UTRN: variants seen among roughly 807,000 people sequenced by gnomAD.
The protein encoded by UTRN is dystrophin-related protein 1.
Under a neutral mutation model 463.9 loss-of-function variants are expected in UTRN, and 283 were observed. The ratio of observed to expected loss-of-function variants is 0.61; its 90% confidence interval spans 0.55 to 0.67. The LOEUF is 0.67. Ranked by LOEUF, UTRN falls within the 30% of genes least tolerant of loss-of-function variation. UTRN has a pLI of 0.00. For missense variants in UTRN, 3,922 were observed against 4,084.3 expected (o/e 0.96, Z 1.08); for synonymous variants, 1,442 against 1,431.5 (o/e 1.01, Z -0.17).
At position 144,851,827 on chromosome 6, in the gene UTRN, T is replaced by G. The variant is rs1038824576; in HGVS notation, c.*830T>G. 1 of 152,180 alleles carries G rather than the reference T, an allele frequency of 6.6e-6. No individual in the cohort carries two copies. The highest frequency in any genetic ancestry group is 1.5e-5 in the Non-Finnish European group (1 of 68,000). 9.4% of individuals were successfully genotyped at this position (152,180 alleles called of 1,614,324 possible). A position where few individuals can be genotyped will look rare whatever the true frequency, so the allele number is the denominator to read the frequency against. On this transcript the variant is annotated 3_prime_UTR_variant, in exon 75 of 75. Transcript: ENST00000367545. ...AATCTATTTGATAAAGAAGACTACATTATAATAATCTCAAAGATCATATTA... is the reference window on the plus strand; with the variant it reads ...AATCTATTTGATAAAGAAGACTACAGTATAATAATCTCAAAGATCATATTA...
Position 144,360,074 on chromosome 6 carries a change from TCCCTTCCCTTCCCTTCCCTCCCCTC to T in UTRN, c.80-43044_80-43020del, listed in dbSNP as rs1367874211. 2.8e-4 allele frequency among the ~76,000 whole-genome samples: 27 copies of T among 98,154 alleles called. 1 individual carries two copies. The highest frequency in any genetic ancestry group is 1.5e-3 in the African/African-American group (27 of 17,448). The allele number at this position is 98,154 out of a possible 152,430, so 64.4% of individuals were successfully genotyped here. A position where few individuals can be genotyped will look rare whatever the true frequency, so the allele number is the denominator to read the frequency against. On this transcript the variant is annotated intron_variant, in intron 2 of 74. Coordinates refer to ENST00000367545, the MANE Select transcript of UTRN (RefSeq NM_007124.3). The stretch of plus-strand genomic sequence containing the variant: ...TCCCTTCCCTTCCCTTCCCTTCCCT[TCCCTTCCCTTCCCTTCCCTCCCCTC>T]CCCTCCCCTCCCCCCTTCCTTCCTT...
chr6:144,370,708 C>T (rs1779907002), intron 2 of UTRN, among the ~76,000 whole-genome samples: 1 of 152,190 alleles, frequency 6.6e-6, no homozygotes, highest in Non-Finnish European at 1.5e-5. Flanking sequence ...ACAATGCCAG[C>T]CCGTGAAAGC....
intron 53 of UTRN, among the ~76,000 whole-genome samples, chr6:144,719,549 G>T (rs756664330): frequency 1.3e-5 from 2 of 152,136 alleles, no homozygotes; most frequent in Non-Finnish European, 2.9e-5. Flanking sequence ...TGCACTCAAC[G>T]CTGGGCAACA....
chr6:144,808,383 C>A (rs1778331295), intron 65 of UTRN, among the ~76,000 whole-genome samples: 1 of 151,780 alleles, frequency 6.6e-6, no homozygotes, highest in Non-Finnish European at 1.5e-5. Context: ...ATTTAAATTT[C>A]TTTTTTATTT....
Position 144,500,778 on chromosome 6 carries a change from G to C in UTRN, c.4764+1351G>C, listed in dbSNP as rs912274857. ...CTGTACTTTGAAATCACAGAGATTAGAAAGTTGATTTGCTGGTTCTGGCTT... is the reference window on the plus strand; with the variant it reads ...CTGTACTTTGAAATCACAGAGATTACAAAGTTGATTTGCTGGTTCTGGCTT... On this transcript the variant is annotated intron_variant, in intron 34 of 74. Transcript: ENST00000367545. 3.3e-5 allele frequency among the ~76,000 whole-genome samples: 5 copies of C among 152,174 alleles called. No individual in the cohort carries two copies. In the South Asian group the frequency reaches 6.2e-4, roughly 19 times the overall value.
intron 2 of UTRN, among the ~76,000 whole-genome samples, chr6:144,334,866 C>A (rs1776605538): frequency 6.6e-6 from 1 of 152,090 alleles, no homozygotes; most frequent in Non-Finnish European, 1.5e-5. Context: ...GTCCTGAAAC[C>A]TCAATAACCT....
chr6:144,493,701 G>A (rs1412664172), intron 33 of UTRN, among the ~76,000 whole-genome samples: 1 of 152,186 alleles, frequency 6.6e-6, no homozygotes, highest in African/African-American at 2.4e-5. Context: ...TAGGCACAGT[G>A]GCTCACGCCT....
At chr6:144,474,508 C>T (rs921364345) in intron 24 of UTRN, 96 bp from the exon 25 acceptor site, 1 of 1,295,290 alleles carries the variant, frequency 7.7e-7, no homozygotes, top group African/African-American at 1.5e-5. Flanking sequence ...AAGCAGTCTG[C>T]TTGTGTAATA....
At chr6:144,477,904 TATCTATCC>T (rs1346774409) in intron 25 of UTRN, among the ~76,000 whole-genome samples, 3 of 151,758 alleles carry the variant, frequency 2.0e-5, no homozygotes, top group African/African-American at 2.4e-5. Context: ...TCTATCTATC[TATCTATCC>T]ATCCATCCAC....
intron 10 of UTRN, among the ~76,000 whole-genome samples, chr6:144,436,729 C>T (rs1786568680): frequency 6.9e-6 from 1 of 144,668 alleles, no homozygotes; most frequent in South Asian, 2.1e-4. Flanking sequence ...AACAGTTCCT[C>T]TTGGGTGAGT....
At chr6:144,696,940 A>G (rs1483232118) in intron 52 of UTRN, among the ~76,000 whole-genome samples, 2 of 152,212 alleles carry the variant, frequency 1.3e-5, no homozygotes, top group Non-Finnish European at 2.9e-5. Flanking sequence ...CTGATTTAAA[A>G]CAGATACTGG....
At chr6:144,759,291 C>T (rs1247563651) in intron 58 of UTRN, among the ~76,000 whole-genome samples, 1 of 151,982 alleles carries the variant, frequency 6.6e-6, no homozygotes, top group Non-Finnish European at 1.5e-5. Flanking sequence ...GTTGGCATGT[C>T]TCTAGTGAAA....
chr6:144,587,994 G>A (rs1802632983), intron 51 of UTRN, among the ~76,000 whole-genome samples: 1 of 152,148 alleles, frequency 6.6e-6, no homozygotes, highest in African/African-American at 2.4e-5. Flanking sequence ...AATGGCGTAT[G>A]TAGATGGGTT....
chr6:144,493,827 T>C (rs1793303198), intron 33 of UTRN, among the ~76,000 whole-genome samples: 2 of 151,576 alleles, frequency 1.3e-5, no homozygotes, highest in Non-Finnish European at 2.9e-5. Context: ...AATGAAAACC[T>C]CCAAAAACAA....
chr6:144,777,163 T>C (rs941716015), intron 60 of UTRN, among the ~76,000 whole-genome samples: 1 of 152,184 alleles, frequency 6.6e-6, no homozygotes, highest in Non-Finnish European at 1.5e-5. Flanking sequence ...GAGTGAATGA[T>C]TTGAGTTTGA....
intron 39 of UTRN, among the ~76,000 whole-genome samples, chr6:144,517,565 C>T (rs907996645): frequency 1.3e-5 from 2 of 151,932 alleles, no homozygotes; most frequent in African/African-American, 4.8e-5. Context: ...CCCTGGGGTC[C>T]GTTCTTTGGT....
intron 2 of UTRN, among the ~76,000 whole-genome samples, chr6:144,316,270 G>T (rs1022859163): frequency 2.6e-5 from 4 of 152,214 alleles, no homozygotes; most frequent in African/African-American, 9.6e-5. Flanking sequence ...GCAATTGGTG[G>T]CTCTTACTGA....
intron 65 of UTRN, among the ~76,000 whole-genome samples, chr6:144,818,723 G>GGAAGGAAATGTAAATATGCTT (rs1779299302): frequency 2.6e-5 from 4 of 152,078 alleles, no homozygotes; most frequent in Non-Finnish European, 2.9e-5. Flanking sequence ...TCCTTACCAA[G>GGAAGGAAATGTAAATATGCTT]ACATTTAGGG....
intron 2 of UTRN, among the ~76,000 whole-genome samples, chr6:144,309,659 C>CTTGTCTCCTTAA (rs1806068496): frequency 1.3e-5 from 2 of 152,208 alleles, no homozygotes; most frequent in South Asian, 4.1e-4. Context: ...TGCCTCCTTA[C>CTTGTCTCCTTAA]TTGTCTCTCT....
Sources: allele counts gnomAD v4.1 joint callset (sites outside exome capture counted in the v4.1 genomes callset), GRCh38; gene constraint gnomAD v4.1.1; transcripts MANE v1.5; gene names NCBI Gene and HGNC (gene_info 2026-07-23, HGNC 2026-07-21).